The following LEMD3 variants were observed in gnomAD, a reference collection of about 807,000 sequenced individuals.
LEMD3 encodes inner nuclear membrane protein Man1.
Under a neutral mutation model 95.2 loss-of-function variants are expected in LEMD3, and 33 were observed. That is an observed-to-expected ratio of 0.35 (90% CI 0.26 to 0.46). The LOEUF is 0.46. Among genes scored for constraint, LEMD3 ranks in the 20% least tolerant of loss-of-function variants. The pLI, the probability that LEMD3 is intolerant of heterozygous loss-of-function variation, is 1.00. For synonymous variants in LEMD3, 525 were observed against 474.6 expected (o/e 1.11, Z -1.38); for missense variants, 1,210 against 1,192.8 (o/e 1.01, Z -0.21).
intron 1 of LEMD3, among the ~76,000 whole-genome samples, chr12:65,180,081 A>G (rs563561743): frequency 2.6e-5 from 4 of 152,080 alleles, no homozygotes; most frequent in Admixed American, 2.0e-4. Flanking sequence ...AGTATCTGGG[A>G]TTACAGGCAC....
At position 65,170,472 on chromosome 12, in the gene LEMD3, G is replaced by A. The variant is rs958944684; in HGVS notation, c.876G>A (p.Lys292=). 7 of 1,613,920 alleles carry A rather than the reference G, an allele frequency of 4.3e-6. No individual in the cohort carries two copies. In the East Asian group the frequency reaches 6.7e-5, roughly 15 times the overall value. ...ATCGGCCCAGACGAACCCATAGTAA[G>A]CCTCTCCCCCCGCTGACTGCTAAAT... ...SRHRPRRTHS[K]PLPPLTAKSA... The change falls in exon 1 of 13, where the codon AAG becomes AAA. Residue 292 remains lysine (K), a synonymous_variant. Transcript: ENST00000308330.
Position 65,247,614 on chromosome 12 carries a change from C to G in LEMD3, c.*1289C>G, listed in dbSNP as rs1272231789. On this transcript the variant is annotated 3_prime_UTR_variant, in exon 13 of 13. Coordinates refer to ENST00000308330, the MANE Select transcript of LEMD3 (RefSeq NM_014319.5). ...TCTACAATTGGCTTTTTAAAAATAA[C>G]CTGTTGATATATAATTGTCAGTCCA... The G allele has an allele frequency of 6.6e-6, 1 of 152,140 alleles. No individual in the cohort carries two copies. The highest frequency in any genetic ancestry group is 2.4e-5 in the African/African-American group (1 of 41,376). 9.4% of individuals were successfully genotyped at this position (152,140 alleles called of 1,614,324 possible).
chr12:65,211,031 T>C (rs1869922744), intron 2 of LEMD3, 68 bp downstream of exon 2: 1 of 1,148,270 alleles, frequency 8.7e-7, no homozygotes, highest in Middle Eastern at 2.4e-4. Context: ...TGAGAATGAC[T>C]ATCAACTAAA....
chr12:65,218,871 G>A (rs1224166210), intron 4 of LEMD3, among the ~76,000 whole-genome samples: 5 of 146,326 alleles, frequency 3.4e-5, no homozygotes, highest in African/African-American at 5.1e-5. Context: ...TCACTGCAAC[G>A]TTCGCAACCG....
At chr12:65,220,443 G>A (rs1870248892) in intron 4 of LEMD3, among the ~76,000 whole-genome samples, 1 of 152,090 alleles carries the variant, frequency 6.6e-6, no homozygotes, top group African/African-American at 2.4e-5. Context: ...AATTGTGGGG[G>A]TTTCTTATGC....
rs749951964 is a variant in LEMD3, at chr12:65,238,766, C to A, written c.1873C>A (p.Arg625=). 1.2e-6 allele frequency: 2 copies of A among 1,613,950 alleles called. No individual in the cohort carries two copies. Among genetic ancestry groups the A allele is most frequent in the Non-Finnish European group, 1.7e-6 (2 of 1,179,946 alleles). Residue 625 remains arginine (R), a synonymous_variant, in exon 6 of 13, where the codon CGA becomes AGA. Coordinates refer to ENST00000308330, the MANE Select transcript of LEMD3 (RefSeq NM_014319.5). The part of the protein sequence containing the change: ...RPLMSFWCRF[R]RAFVTVTHRL... Reference sequence around the variant, plus strand: ...ACTGATGTCTTTTTGGTGTCGTTTTCGACGTGCTTTTGTTACTGTAACTCA... The same window carrying A: ...ACTGATGTCTTTTTGGTGTCGTTTTAGACGTGCTTTTGTTACTGTAACTCA...
chr12:65,169,966 G>A lies in LEMD3; in HGVS notation c.370G>A (p.Gly124Ser). Residue 124 changes from glycine to serine, a missense_variant, in exon 1 of 13, where the codon GGC becomes AGC. Transcript: ENST00000308330. ...AGAGAGCCTCCTGGGAGGGCCCGGG[G>A]GCGCCTCCGCCGCCCCCGCGGCTGG... The part of the protein sequence containing the change: ...GPESLLGGPG[G>S]ASAAPAAGSK... 1 of 1,463,584 alleles carries A rather than the reference G, an allele frequency of 6.8e-7. No individual in the cohort carries two copies. Among genetic ancestry groups the A allele is most frequent in the Non-Finnish European group, 8.9e-7 (1 of 1,118,280 alleles). 90.7% of individuals were successfully genotyped at this position (1,463,584 alleles called of 1,614,324 possible).
At chr12:65,237,288 C>A (rs1217340802) in intron 4 of LEMD3, among the ~76,000 whole-genome samples, 1 of 152,104 alleles carries the variant, frequency 6.6e-6, no homozygotes, top group Non-Finnish European at 1.5e-5. Context: ...TGACTGGATT[C>A]TTATCTGCTT....
At chr12:65,226,129 T>G (rs1870441764) in intron 4 of LEMD3, among the ~76,000 whole-genome samples, 1 of 152,178 alleles carries the variant, frequency 6.6e-6, no homozygotes, top group Non-Finnish European at 1.5e-5. Context: ...TTGTTCTTAG[T>G]AGTCCTTAAT....
At chr12:65,190,237 A>G (rs1869196180) in intron 1 of LEMD3, among the ~76,000 whole-genome samples, 1 of 152,184 alleles carries the variant, frequency 6.6e-6, no homozygotes, top group Non-Finnish European at 1.5e-5. Context: ...GGCCCCCTGC[A>G]ACCATCTGAA....
At position 65,210,970 on chromosome 12, in the gene LEMD3, A is replaced by G. The variant is rs1869919883; in HGVS notation, c.1560+7A>G. The G allele has an allele frequency of 6.4e-7, 1 of 1,563,546 alleles. No individual in the cohort carries two copies. Among genetic ancestry groups the G allele is most frequent in the Admixed American group, 1.7e-5 (1 of 59,944 alleles). On this transcript the variant is annotated splice_region_variant and intron_variant, in intron 2 of 12. Coordinates refer to ENST00000308330, the MANE Select transcript of LEMD3 (RefSeq NM_014319.5). ...AACATTTGGAAAAATACAAGTAAGT[A>G]AACGATCATAATACTGATAATTTTG...
chr12:65,241,083 T>C lies in LEMD3; in HGVS notation c.2301T>C (p.Gly767=). ...ILVIPSKVWQ[G]QAFHLDRRNS... Reference sequence around the variant, plus strand: ...TTATACCTTCTAAAGTATGGCAAGGTCAAGGTATGTATTTTTAAACATCAA... The same window carrying C: ...TTATACCTTCTAAAGTATGGCAAGGCCAAGGTATGTATTTTTAAACATCAA... Residue 767 remains glycine (G), a synonymous_variant, in exon 9 of 13, where the codon GGT becomes GGC. Coordinates refer to ENST00000308330, the MANE Select transcript of LEMD3 (RefSeq NM_014319.5). 1 of 1,613,148 alleles carries C rather than the reference T, an allele frequency of 6.2e-7. No homozygotes were observed. Among genetic ancestry groups the C allele is most frequent in the Non-Finnish European group, 8.5e-7 (1 of 1,179,154 alleles).
At chr12:65,173,007 C>T (rs753880686) in intron 1 of LEMD3, among the ~76,000 whole-genome samples, 3 of 152,166 alleles carry the variant, frequency 2.0e-5, no homozygotes, top group Non-Finnish European at 4.4e-5. Flanking sequence ...CAGCAACTCA[C>T]AGAAGCAGGT....
intron 1 of LEMD3, among the ~76,000 whole-genome samples, chr12:65,188,410 A>G (rs1364539183): frequency 6.6e-6 from 1 of 152,150 alleles, no homozygotes; most frequent in African/African-American, 2.4e-5. Flanking sequence ...AGGGATCCAG[A>G]GAACTCCTCT....
At chr12:65,172,730 C>CTTTTT (rs201891713) in intron 1 of LEMD3, among the ~76,000 whole-genome samples, 1 of 139,334 alleles carries the variant, frequency 7.2e-6, no homozygotes. Context: ...TTTTTCTTTT[C>CTTTTT]TTTTTTTTTT....
chr12:65,244,093 G>C (rs186707782), intron 10 of LEMD3, among the ~76,000 whole-genome samples: 86 of 152,318 alleles, frequency 5.6e-4, no homozygotes, highest in African/African-American at 1.7e-3. Context: ...TCTATCCAGT[G>C]ATAGTACAGA....
intron 4 of LEMD3, among the ~76,000 whole-genome samples, chr12:65,237,308 ATC>A (rs1400769794): frequency 1.3e-5 from 2 of 152,162 alleles, no homozygotes; most frequent in Non-Finnish European, 2.9e-5. Flanking sequence ...TCTTTATTCA[ATC>A]TGTCATGATG....
intron 4 of LEMD3, among the ~76,000 whole-genome samples, chr12:65,220,831 T>G (rs990052594): frequency 1.3e-5 from 2 of 152,210 alleles, no homozygotes; most frequent in African/African-American, 4.8e-5. Flanking sequence ...AGATTGTCAT[T>G]TCTCCATTGT....
chr12:65,243,191 C>A (rs1870986642), intron 9 of LEMD3, among the ~76,000 whole-genome samples, 197 bp from the exon 10 acceptor site: 1 of 151,922 alleles, frequency 6.6e-6, no homozygotes, highest in Admixed American at 6.6e-5. Flanking sequence ...TTACATGACA[C>A]TCTTTATCAT....
Sources: gnomAD v4.1 joint callset for allele counts (sites outside exome capture counted in the v4.1 genomes callset) on GRCh38, gnomAD v4.1.1 for gene constraint, MANE v1.5 for transcripts, NCBI Gene and HGNC (gene_info 2026-07-23, HGNC 2026-07-21) for gene names.